The following GDA variants were observed in gnomAD, a reference collection of about 807,000 sequenced individuals.
The protein encoded by GDA is guanine deaminase.
A neutral mutation model predicts 59.6 loss-of-function variants in GDA; 18 were observed. The ratio of observed to expected loss-of-function variants is 0.30; its 90% CI spans 0.21 to 0.45. The LOEUF is 0.45. Ranked by LOEUF, GDA falls within the 20% of genes least tolerant of loss-of-function variation. GDA has a pLI of 1.00. For synonymous variants in GDA, 201 were observed against 201.1 expected (o/e 1.00, Z 0.00); for missense variants, 427 against 552.3 (o/e 0.77, Z 2.27).
chr9:72,227,083 A>G (rs1318793579), intron 8 of GDA, among the ~76,000 whole-genome samples: 1 of 152,078 alleles, frequency 6.6e-6, no homozygotes, highest in Admixed American at 6.6e-5. Flanking sequence ...GCGCCACTGC[A>G]CTCCAGCCTG....
downstream of GDA, among the ~76,000 whole-genome samples, chr9:72,259,588 G>A (rs779322476): frequency 6.6e-4 from 101 of 152,276 alleles, no homozygotes; most frequent in Non-Finnish European, 1.1e-3. Flanking sequence ...TCCTGGAGCC[G>A]CTGTGCAGGG....
At chr9:72,170,127 C>T (rs780646152) in intron 1 of GDA, among the ~76,000 whole-genome samples, 10 of 152,202 alleles carry the variant, frequency 6.6e-5, no homozygotes, top group East Asian at 3.9e-4. Flanking sequence ...TTCTGGTTGC[C>T]GTAAAAATAC....
chr9:72,155,773 T>A (rs1019941786), intron 1 of GDA, among the ~76,000 whole-genome samples: 2 of 152,150 alleles, frequency 1.3e-5, no homozygotes, highest in Non-Finnish European at 2.9e-5. Flanking sequence ...GGAATGTGGT[T>A]TAGATGAGAG....
chr9:72,236,774 C>CT (rs1564168629), intron 10 of GDA, among the ~76,000 whole-genome samples: 8 of 127,590 alleles, frequency 6.3e-5, no homozygotes, highest in South Asian at 5.5e-4. Context: ...AAAACCACTC[C>CT]TATTTTTTTT....
At chr9:72,255,544 A>G (rs1840864102), downstream of GDA, among the ~76,000 whole-genome samples, 1 of 152,236 alleles carries the variant, frequency 6.6e-6, no homozygotes, top group African/African-American at 2.4e-5. Flanking sequence ...ACTCAAAAAG[A>G]TAAATTAAGG....
chr9:72,140,846 G>C (rs1188082510), intron 1 of GDA, among the ~76,000 whole-genome samples: 1 of 152,164 alleles, frequency 6.6e-6, no homozygotes, highest in Non-Finnish European at 1.5e-5. Flanking sequence ...GGGAAGCAAA[G>C]TCTGTAAATA....
At chr9:72,193,157 CA>C (rs1161325229) in intron 1 of GDA, among the ~76,000 whole-genome samples, 1 of 141,466 alleles carries the variant, frequency 7.1e-6, no homozygotes, top group Non-Finnish European at 1.6e-5. Flanking sequence ...TTGGTTAGGT[CA>C]TTTTTTTTTT....
chr9:72,114,905 A>G (rs1825382180), intron 1 of GDA: 1 of 152,174 alleles, frequency 6.6e-6, no homozygotes, highest in African/African-American at 2.4e-5. Flanking sequence ...TGAGTACCAC[A>G]GCCCTGTCCC....
chr9:72,134,952 T>C (rs1826165526), intron 1 of GDA, among the ~76,000 whole-genome samples: 2 of 152,172 alleles, frequency 1.3e-5, no homozygotes, highest in Non-Finnish European at 2.9e-5. Flanking sequence ...GTTGGACATA[T>C]TGGTCAATGA....
At chr9:72,180,035 C>T (rs1830990452) in intron 1 of GDA, among the ~76,000 whole-genome samples, 1 of 151,834 alleles carries the variant, frequency 6.6e-6, no homozygotes, top group Non-Finnish European at 1.5e-5. Context: ...TCAACTCATA[C>T]CAGGTCTTCA....
chr9:72,259,716 G>GA (rs772070734), downstream of GDA, among the ~76,000 whole-genome samples: 5 of 150,984 alleles, frequency 3.3e-5, no homozygotes, highest in African/African-American at 7.3e-5. Flanking sequence ...ACTTGGAGGA[G>GA]AAAAAAAAAG....
intron 1 of GDA, among the ~76,000 whole-genome samples, chr9:72,119,066 C>G (rs556330540): frequency 6.6e-6 from 1 of 151,908 alleles, no homozygotes; most frequent in South Asian, 2.1e-4. Flanking sequence ...ATTAAGGTTT[C>G]TAGGAATATA....
At chr9:72,173,758 A>T (rs771145672) in intron 1 of GDA, among the ~76,000 whole-genome samples, 19 of 152,150 alleles carry the variant, frequency 1.2e-4, no homozygotes, top group Non-Finnish European at 2.2e-4. Context: ...ATATAAGGTA[A>T]CATTCACAGA....
rs555230382 is a variant in GDA, at chr9:72,250,326, A to G, written c.*1984A>G. ...TTAAGGGTGTACATTTTGATGTTGA[A>G]CATCAGTTTTCATGTAGACTTAGGA... is the stretch of plus-strand genomic sequence containing the variant. On this transcript the variant is annotated 3_prime_UTR_variant, in exon 14 of 14. Transcript: ENST00000358399. 3.8e-5 allele frequency: 39 copies of G among 1,034,546 alleles called. No homozygotes were observed. The highest frequency in any genetic ancestry group is 4.3e-5 in the Non-Finnish European group (37 of 861,556). 64.1% of individuals were successfully genotyped at this position (1,034,546 alleles called of 1,614,324 possible).
chr9:72,242,074 T>A lies in GDA; in HGVS notation c.1135+776T>A, dbSNP rs371063594. Among the ~76,000 whole-genome samples the A allele has an allele frequency of 2.0e-5, 3 of 152,190 alleles. No individual in the cohort carries two copies. In the South Asian group the frequency reaches 6.2e-4, roughly 31 times the overall value. ...TATTTAATCCTCACCACCACTGTTA[T>A]TCATTTCGTTTTACAAACAAGAAGC... On this transcript the variant is annotated intron_variant, in intron 11 of 13. Transcript: ENST00000358399.
intron 1 of GDA, among the ~76,000 whole-genome samples, chr9:72,132,257 T>C (rs1327655122): frequency 6.6e-6 from 1 of 152,180 alleles, no homozygotes; most frequent in Non-Finnish European, 1.5e-5. Flanking sequence ...GAGTGGATTC[T>C]GAGGGTGCCC....
intron 1 of GDA, among the ~76,000 whole-genome samples, chr9:72,180,778 AT>A (rs1197513424): frequency 1.3e-5 from 2 of 152,210 alleles, no homozygotes; most frequent in Admixed American, 6.5e-5. Flanking sequence ...GGAAAAAAAA[AT>A]AAATTAGGCA....
chr9:72,177,521 C>T (rs1830686135), intron 1 of GDA, among the ~76,000 whole-genome samples: 1 of 151,738 alleles, frequency 6.6e-6, no homozygotes, highest in Non-Finnish European at 1.5e-5. Flanking sequence ...TAAAATATTA[C>T]ATATTACATT....
At chr9:72,210,473 A>C (rs1029619290) in intron 3 of GDA, among the ~76,000 whole-genome samples, 2 of 152,222 alleles carry the variant, frequency 1.3e-5, no homozygotes, top group African/African-American at 2.4e-5. Context: ...AACTGTGTGA[A>C]TCGAGAAAAA....
Sources: gnomAD v4.1 joint callset for allele counts (sites outside exome capture counted in the v4.1 genomes callset) on GRCh38, gnomAD v4.1.1 for gene constraint, MANE v1.5 for transcripts, NCBI Gene and HGNC (gene_info 2026-07-23, HGNC 2026-07-21) for gene names.